SHOX: variants seen among roughly 807,000 people sequenced by gnomAD.
The protein encoded by SHOX is SHOX homeobox, also known as short stature homeobox protein.
Under a neutral mutation model 29.6 loss-of-function variants are expected in SHOX, and 12 were observed. The ratio of observed to expected loss-of-function variants is 0.41; its 90% CI spans 0.26 to 0.66. The LOEUF is 0.66. Among genes scored for constraint, SHOX ranks in the 30% least tolerant of loss-of-function variants. The probability of loss-of-function intolerance (pLI) is 0.35; values close to 1 mark genes in which losing one functional copy is unlikely to be tolerated. For missense variants in SHOX, 499 were observed against 437.7 expected, an observed-to-expected ratio of 1.14 and a Z score of -1.25; for synonymous variants, 214 against 200.6, an observed-to-expected ratio of 1.07 and a Z score of -0.57.
chrX:644,636 A>ACCCGCCGCGCAG lies in SHOX; in HGVS notation c.*4_*15dup, dbSNP rs1254251733. 1.4e-6 allele frequency: 2 copies of ACCCGCCGCGCAG among 1,475,042 alleles called. No individual in the cohort carries two copies. Among genetic ancestry groups the ACCCGCCGCGCAG allele is most frequent in the Non-Finnish European group, 1.8e-6 (2 of 1,120,896 alleles). The allele number at this position is 1,475,042 out of a possible 1,614,324, so 91.4% of individuals were successfully genotyped here. ...AGCACGCGGAGGCCCTGGGGCTCTG[A>ACCCGCCGCGCAG]CCCGCCGCGCAGCCCCCCGCGCGCC... On this transcript the variant is annotated 3_prime_UTR_variant, in exon 5 of 5. Transcript: ENST00000686671.
chrX:642,069 C>T (rs1256451290), intron 4 of SHOX, among the ~76,000 whole-genome samples: 4 of 152,200 alleles, frequency 2.6e-5, no homozygotes, highest in African/African-American at 4.8e-5. Context: ...GGTTCGGTCG[C>T]GGAGCCCAAG....
downstream of SHOX, among the ~76,000 whole-genome samples, chrX:655,399 G>A (rs911418415): frequency 3.3e-5 from 5 of 151,866 alleles, no homozygotes; most frequent in Non-Finnish European, 7.4e-5. Flanking sequence ...GAGCCCAGGA[G>A]TTCAAGACCA....
rs1234985491 is a variant in SHOX, at chrX:644,524, CCGCCTCGGCCGCCGCCGTGGT to C, written c.772_792del (p.Ser258_Ala264del). 35 of 1,518,478 alleles carry C rather than the reference CCGCCTCGGCCGCCGCCGTGGT, an allele frequency of 2.3e-5. No homozygotes were observed. Among genetic ancestry groups the C allele is most frequent in the Non-Finnish European group, 2.8e-5 (32 of 1,139,964 alleles). The allele number at this position is 1,518,478 out of a possible 1,614,324, so 94.1% of individuals were successfully genotyped here. A position where few individuals can be genotyped will look rare whatever the true frequency, so the allele number is the denominator to read the frequency against. ...CTGCCCATCGCGTCGCTGGCCGAGT[CCGCCTCGGCCGCCGCCGTGGT>C]CGCCGCCGCCGCCAAAAGCAACAGC... On this transcript the variant is annotated inframe_deletion, in exon 5 of 5. Transcript: ENST00000686671.
At chrX:638,672 A>T (rs1300885095) in intron 2 of SHOX, among the ~76,000 whole-genome samples, 1 of 152,194 alleles carries the variant, frequency 6.6e-6, no homozygotes, top group Non-Finnish European at 1.5e-5. Flanking sequence ...TTCAAGAGCA[A>T]GTTCACGTTG....
At chrX:625,057 T>TCCCTCCCTCCCTCTGTTCCTTC (rs199719352) in intron 1 of SHOX, among the ~76,000 whole-genome samples, 4 of 97,044 alleles carry the variant, frequency 4.1e-5, no homozygotes, top group African/African-American at 1.0e-4. Flanking sequence ...CTCTGTTCCT[T>TCCCTCCCTCCCTCTGTTCCTTC]CCTCCCTCCC....
intron 2 of SHOX, among the ~76,000 whole-genome samples, chrX:635,043 A>T (rs1426559040): frequency 1.3e-5 from 2 of 152,144 alleles, no homozygotes; most frequent in Non-Finnish European, 2.9e-5. Context: ...AACAGCAAAC[A>T]AATATATATA....
chrX:658,255 A>G (rs1301292468), intron 5 of SHOX, among the ~76,000 whole-genome samples: 2 of 151,808 alleles, frequency 1.3e-5, no homozygotes, highest in African/African-American at 2.4e-5. Context: ...GATGACAGAC[A>G]TGAGCCAGCA....
chrX:652,541 G>T (rs1471223680), downstream of SHOX, among the ~76,000 whole-genome samples: 2 of 151,902 alleles, frequency 1.3e-5, no homozygotes, highest in African/African-American at 4.8e-5. Context: ...CTTTCTCTGT[G>T]GGGGGCTCAG....
exon 6 of SHOX, chrX:658,915 C>G (rs1190997409): frequency 1.1e-5 from 3 of 274,532 alleles, no homozygotes; most frequent in East Asian, 1.2e-4. Context: ...CAGGTGCCCA[C>G]CACCATGTCA....
chrX:640,278 G>C (rs931773280), intron 2 of SHOX, among the ~76,000 whole-genome samples: 2 of 152,124 alleles, frequency 1.3e-5, no homozygotes, highest in Non-Finnish European at 2.9e-5. Context: ...CTGGGAGGTG[G>C]AGGTTGCAGG....
At chrX:638,727 G>C (rs2052799880) in intron 2 of SHOX, among the ~76,000 whole-genome samples, 1 of 152,214 alleles carries the variant, frequency 6.6e-6, no homozygotes, top group African/African-American at 2.4e-5. Context: ...AGGGTTTTCT[G>C]AGGTTCCCTT....
chrX:651,073 TCTTA>T lies in SHOX; in HGVS notation c.*6441_*6444del, dbSNP rs1304830400. ...TGGGAAGGAGGCAAAAGCCCCTGCTTCTTACTTTGTGATGTATGTGCATTTGTTA... is the reference window on the plus strand; with the variant it reads ...TGGGAAGGAGGCAAAAGCCCCTGCTTCTTTGTGATGTATGTGCATTTGTTA... On this transcript the variant is annotated 3_prime_UTR_variant, in exon 5 of 5. Coordinates refer to ENST00000686671, the MANE Select transcript of SHOX (RefSeq NM_000451.4). Among the ~76,000 whole-genome samples, 7 of 151,270 alleles carry T rather than the reference TCTTA, an allele frequency of 4.6e-5. No homozygotes were observed. The highest frequency in any genetic ancestry group is 5.9e-5 in the Non-Finnish European group (4 of 67,908).
At position 649,901 on chromosome X, in the gene SHOX, A is replaced by T. The variant is rs1190484794; in HGVS notation, c.*5265A>T. ...TTCTGGTGAAATCTGTTTCTGACAT[A>T]TCCACTTTTCTCTCTCTTTTCTCTC... On this transcript the variant is annotated 3_prime_UTR_variant, in exon 5 of 5. Coordinates refer to ENST00000686671, the MANE Select transcript of SHOX (RefSeq NM_000451.4). 2 of 455,910 alleles carry T rather than the reference A, an allele frequency of 4.4e-6. No homozygotes were observed. The highest frequency in any genetic ancestry group is 4.0e-5 in the African/African-American group (2 of 50,050). The allele number at this position is 455,910 out of a possible 1,614,324, so 28.2% of individuals were successfully genotyped here. A position where few individuals can be genotyped will look rare whatever the true frequency, so the allele number is the denominator to read the frequency against.
In SHOX at chrX:634,630, G is replaced by T; in HGVS notation, c.290G>T (p.Cys97Phe). Reference sequence around the variant, plus strand: ...GCTCCCCACGCAGGGATTTATGAATGCAAAGAGAAGCGCGAGGACGTGAAG... The same window carrying T: ...GCTCCCCACGCAGGGATTTATGAATTCAAAGAGAAGCGCGAGGACGTGAAG... ...TARVAEGIYE[C>F]KEKREDVKSE... Residue 97 changes from cysteine to phenylalanine, a missense_variant, in exon 2 of 5, where the codon TGC (cysteine) becomes TTC (phenylalanine). Physicochemically the swap from Cys to Phe is radical, Grantham distance 205. Transcript: ENST00000686671. 6.2e-7 allele frequency: 1 copy of T among 1,613,744 alleles called. No homozygotes were observed. Among genetic ancestry groups the T allele is most frequent in the Non-Finnish European group, 8.5e-7 (1 of 1,179,868 alleles).
At position 630,980 on chromosome X, in the gene SHOX, G is replaced by A; in HGVS notation, c.83G>A (p.Gly28Asp). ...AACGGCGGAGGCGGAGGCGGCGGAG[G>A]TAAGAAGGATTCCATTACGTACCGG... ...DGNGGGGGGG[G>D]KKDSITYREV... is the part of the protein sequence containing the mutation. The change falls in exon 1 of 5, where the codon GGT (glycine) becomes GAT (aspartate). Residue 28 changes from glycine to aspartate, a missense_variant. By Grantham distance (94) the Gly-to-Asp change is moderately conservative (BLOSUM62 -1). Transcript: ENST00000686671. 6.2e-7 allele frequency: 1 copy of A among 1,613,858 alleles called. No homozygotes were observed. The highest frequency in any genetic ancestry group is 8.5e-7 in the Non-Finnish European group (1 of 1,179,844).
chrX:657,207 C>T (rs1045967207), intron 5 of SHOX, among the ~76,000 whole-genome samples: 19 of 152,198 alleles, frequency 1.2e-4, no homozygotes, highest in East Asian at 3.8e-4. Flanking sequence ...GAAATCAGTG[C>T]ATCGTGCAGT....
intron 2 of SHOX, among the ~76,000 whole-genome samples, chrX:635,407 C>G (rs1409681274): frequency 3.3e-5 from 5 of 152,188 alleles, no homozygotes; most frequent in Admixed American, 6.5e-5. Context: ...TCCTCTGTCC[C>G]TAGGTGGAGA....
At chrX:625,884 C>T (rs968140869), upstream of SHOX, among the ~76,000 whole-genome samples, 18 of 132,992 alleles carry the variant, frequency 1.4e-4, no homozygotes, top group Non-Finnish European at 5.1e-5. Flanking sequence ...CTCTTTCTCT[C>T]TCTCCTCTCT....
downstream of SHOX, among the ~76,000 whole-genome samples, chrX:654,249 C>T (rs1413069246): frequency 2.6e-5 from 4 of 151,608 alleles, no homozygotes; most frequent in Non-Finnish European, 5.9e-5. Context: ...CCAGCCTGGG[C>T]AACATAGCGA....
Sources: allele counts gnomAD v4.1 joint callset (sites outside exome capture counted in the v4.1 genomes callset), GRCh38; gene constraint gnomAD v4.1.1; transcripts MANE v1.5; gene names NCBI Gene and HGNC (gene_info 2026-07-23, HGNC 2026-07-21).